ZNF805: variants seen among roughly 807,000 people sequenced by gnomAD.
The protein encoded by ZNF805 is CTC-444N24.8.
A neutral mutation model predicts 13.6 loss-of-function variants in ZNF805; 7 were observed. The ratio of observed to expected loss-of-function variants is 0.51; its 90% CI spans 0.29 to 0.97. ZNF805 has a LOEUF of 0.97. Ranked by LOEUF, ZNF805 falls within the 50% of genes least tolerant of loss-of-function variation. The pLI, the probability that ZNF805 is intolerant of heterozygous loss-of-function variation, is 0.08. For synonymous variants in ZNF805, 293 were observed against 279.8 expected, an observed-to-expected ratio of 1.05 and a Z score of -0.47; for missense variants, 604 against 771.0, an observed-to-expected ratio of 0.78 and a Z score of 2.57.
At chr19:57,245,760 C>T (rs984946326) in intron 2 of ZNF805, among the ~76,000 whole-genome samples, 1 of 149,574 alleles carries the variant, frequency 6.7e-6, no homozygotes. Context: ...GCCTGGGCGA[C>T]AGAGCGAGAC....
rs562845725 is a variant in ZNF805, at chr19:57,257,769, C to T, written c.*3066C>T. ...TTGCCCAGGCTGGAGTGGAGTGGTG[C>T]GATCTCCGCTCACTGCAACCTCCGC... On this transcript the variant is annotated 3_prime_UTR_variant, in exon 4 of 4. Coordinates refer to ENST00000414468, the MANE Select transcript of ZNF805 (RefSeq NM_001023563.4). Among the ~76,000 whole-genome samples the T allele has an allele frequency of 7.7e-6, 1 of 129,086 alleles. No homozygotes were observed. The highest frequency in any genetic ancestry group is 1.5e-5 in the Non-Finnish European group (1 of 65,306). The allele number at this position is 129,086 out of a possible 152,430, so 84.7% of individuals were successfully genotyped here.
rs1195601252 is a variant in ZNF805, at chr19:57,255,520, T to C, written c.*817T>C. On this transcript the variant is annotated 3_prime_UTR_variant, in exon 4 of 4. Transcript: ENST00000414468. ...TTCATTATTTAAATTTTCTTTGATA[T>C]ATTTCATTACTGTTTTATAGTTTAC... Among the ~76,000 whole-genome samples, 1 of 152,184 alleles carries C rather than the reference T, an allele frequency of 6.6e-6. No homozygotes were observed. The highest frequency in any genetic ancestry group is 1.5e-5 in the Non-Finnish European group (1 of 67,996).
chr19:57,259,941 A>T lies in ZNF805; in HGVS notation c.*5238A>T, dbSNP rs1414073896. Among the ~76,000 whole-genome samples the T allele has an allele frequency of 6.6e-6, 1 of 152,198 alleles. No homozygotes were observed. The highest frequency in any genetic ancestry group is 1.9e-4 in the East Asian group (1 of 5,200). ...TCTCAATATTTGAATAGAAATCCTA[A>T]ATTATCTGGAGGAGTAGAAGTCCTG... On this transcript the variant is annotated 3_prime_UTR_variant, in exon 4 of 4. Transcript: ENST00000414468.
At position 57,260,971 on chromosome 19, in the gene ZNF805, C is replaced by G. The variant is rs1325739420; in HGVS notation, c.*6268C>G. Among the ~76,000 whole-genome samples, 1 of 152,148 alleles carries G rather than the reference C, an allele frequency of 6.6e-6. No individual in the cohort carries two copies. Among genetic ancestry groups the G allele is most frequent in the Non-Finnish European group, 1.5e-5 (1 of 68,038 alleles). On this transcript the variant is annotated 3_prime_UTR_variant, in exon 4 of 4. Coordinates refer to ENST00000414468, the MANE Select transcript of ZNF805 (RefSeq NM_001023563.4). ...TGACAACTCCATAATGTTATTTCCCCCCTTTAACTGATTAGAAAACTGAGG... is the reference window on the plus strand; with the variant it reads ...TGACAACTCCATAATGTTATTTCCCGCCTTTAACTGATTAGAAAACTGAGG...
rs1374193860 is a variant in ZNF805, at chr19:57,262,268, TA to T, written c.*7567del. Reference sequence around the variant, plus strand: ...TAGCTTAAGTTTCTGTAACAAACATTAAGCAAATAAAATTTTCTATAACAGA... The same window carrying T: ...TAGCTTAAGTTTCTGTAACAAACATTAGCAAATAAAATTTTCTATAACAGA... On this transcript the variant is annotated 3_prime_UTR_variant, in exon 4 of 4. Coordinates refer to ENST00000414468, the MANE Select transcript of ZNF805 (RefSeq NM_001023563.4). 1 of 166,288 alleles carries T rather than the reference TA, an allele frequency of 6.0e-6. No homozygotes were observed. Among genetic ancestry groups the T allele is most frequent in the Non-Finnish European group, 1.5e-5 (1 of 68,000 alleles). The allele number at this position is 166,288 out of a possible 1,614,324, so 10.3% of individuals were successfully genotyped here.
rs948081753 is a variant in ZNF805, at chr19:57,260,440, C to T, written c.*5737C>T. Among the ~76,000 whole-genome samples the T allele has an allele frequency of 2.6e-5, 4 of 152,152 alleles. No homozygotes were observed. The highest frequency in any genetic ancestry group is 3.9e-4 in the East Asian group (2 of 5,192). Reference sequence around the variant, plus strand: ...GATACTACTAAATGGCTTCCACCACCGTTGCCTGACTTAAGCACGTCTCAG... The same window carrying T: ...GATACTACTAAATGGCTTCCACCACTGTTGCCTGACTTAAGCACGTCTCAG... On this transcript the variant is annotated 3_prime_UTR_variant, in exon 4 of 4. Transcript: ENST00000414468.
intron 3 of ZNF805, 90 bp from the exon 4 acceptor site, chr19:57,252,983 A>C: frequency 8.3e-7 from 1 of 1,211,808 alleles, no homozygotes; most frequent in Middle Eastern, 2.0e-4. Flanking sequence ...GGCACCATTT[A>C]TAACTTCATT....
intron 2 of ZNF805, 47 bp downstream of exon 2, chr19:57,244,096 G>A (rs748894184): frequency 5.0e-6 from 8 of 1,589,330 alleles, no homozygotes; most frequent in Admixed American, 3.4e-5. Context: ...CACCTCCTTC[G>A]TTCCACCCTC....
In ZNF805 at chr19:57,248,593, C is replaced by T. The variant is rs1275531848; in HGVS notation, c.158-12C>T. 2 of 1,571,034 alleles carry T rather than the reference C, an allele frequency of 1.3e-6. No individual in the cohort carries two copies. The highest frequency in any genetic ancestry group is 1.7e-6 in the Non-Finnish European group (2 of 1,155,088). On this transcript the variant is annotated splice_polypyrimidine_tract_variant and intron_variant, in intron 2 of 3. Coordinates refer to ENST00000414468, the MANE Select transcript of ZNF805 (RefSeq NM_001023563.4). ...CCACATCCATGTGTCCACTTGCTTTCTCCATAAACAGGGTGTCCTGTTCCC... is the reference window on the plus strand; with the variant it reads ...CCACATCCATGTGTCCACTTGCTTTTTCCATAAACAGGGTGTCCTGTTCCC...
rs1016759908 is a variant in ZNF805, at chr19:57,258,875, G to C, written c.*4172G>C. On this transcript the variant is annotated 3_prime_UTR_variant, in exon 4 of 4. Coordinates refer to ENST00000414468, the MANE Select transcript of ZNF805 (RefSeq NM_001023563.4). Reference sequence around the variant, plus strand: ...ACCTTTTTTCTAGGGTCAGTCTGCTGGTGTCTCTAAAAGTGTCTTTATGTT... The same window carrying C: ...ACCTTTTTTCTAGGGTCAGTCTGCTCGTGTCTCTAAAAGTGTCTTTATGTT... Among the ~76,000 whole-genome samples the C allele has an allele frequency of 1.3e-5, 2 of 152,068 alleles. No individual in the cohort carries two copies. The highest frequency in any genetic ancestry group is 2.9e-5 in the Non-Finnish European group (2 of 68,018).
rs557869325 is a variant in ZNF805, at chr19:57,256,535, A to G, written c.*1832A>G. ...TATAGAACTATTCAGAGTATTTCAT[A>G]TTGGATGAATTTTTATAGATTTTCT... On this transcript the variant is annotated 3_prime_UTR_variant, in exon 4 of 4. Coordinates refer to ENST00000414468, the MANE Select transcript of ZNF805 (RefSeq NM_001023563.4). Among the ~76,000 whole-genome samples, 1 of 152,190 alleles carries G rather than the reference A, an allele frequency of 6.6e-6. No homozygotes were observed. Among genetic ancestry groups the G allele is most frequent in the South Asian group, 2.1e-4 (1 of 4,824 alleles).
chr19:57,248,232 G>T lies in ZNF805; in HGVS notation c.158-373G>T, dbSNP rs77297215. Among the ~76,000 whole-genome samples, 25 of 151,006 alleles carry T rather than the reference G, an allele frequency of 1.7e-4. No homozygotes were observed. The East Asian group carries it at 4.7e-3, about 28-fold the overall frequency. On this transcript the variant is annotated intron_variant, in intron 2 of 3. Coordinates refer to ENST00000414468, the MANE Select transcript of ZNF805 (RefSeq NM_001023563.4). ...GTTAAAAAAAAAAAAAAAAGACTTA[G>T]ATAAGTGAAGATACATACCTTGTTC...
intron 2 of ZNF805, among the ~76,000 whole-genome samples, chr19:57,247,048 T>G (rs1188790554): frequency 7.8e-6 from 1 of 128,298 alleles, no homozygotes; most frequent in Non-Finnish European, 1.7e-5. Flanking sequence ...TTTTTTTTTT[T>G]GAGATGGAGT....
rs951930563 is a variant in ZNF805, at chr19:57,262,037, G to A, written c.*7334G>A. ...TTGCTTTCTAGCACATACCACAATT[G>A]TAGACCTCCAGAAGAACAGGAGGTG... On this transcript the variant is annotated 3_prime_UTR_variant, in exon 4 of 4. Coordinates refer to ENST00000414468, the MANE Select transcript of ZNF805 (RefSeq NM_001023563.4). 6.0e-6 allele frequency: 1 copy of A among 165,872 alleles called. No individual in the cohort carries two copies. Among genetic ancestry groups the A allele is most frequent in the African/African-American group, 2.4e-5 (1 of 41,444 alleles). The allele number at this position is 165,872 out of a possible 1,614,324, so 10.3% of individuals were successfully genotyped here. A position where few individuals can be genotyped will look rare whatever the true frequency, so the allele number is the denominator to read the frequency against.
In ZNF805 at chr19:57,261,935, G is replaced by A. The variant is rs1405007246; in HGVS notation, c.*7232G>A. 1.2e-5 allele frequency: 2 copies of A among 166,776 alleles called. No homozygotes were observed. The highest frequency in any genetic ancestry group is 2.9e-5 in the Non-Finnish European group (2 of 68,094). 10.3% of individuals were successfully genotyped at this position (166,776 alleles called of 1,614,324 possible). A position where few individuals can be genotyped will look rare whatever the true frequency, so the allele number is the denominator to read the frequency against. On this transcript the variant is annotated 3_prime_UTR_variant, in exon 4 of 4. Transcript: ENST00000414468. ...GATGTGCTTCATTGAAGCTCCATCT[G>A]GGACTTAAAACAACACACGTGAGAT...
intron 2 of ZNF805, among the ~76,000 whole-genome samples, chr19:57,245,107 A>G (rs1235286933): frequency 6.6e-6 from 1 of 152,198 alleles, no homozygotes. Flanking sequence ...CTTCCGTCCC[A>G]CCAGGTGTTA....
chr19:57,250,275 C>T (rs2087643539), intron 3 of ZNF805, among the ~76,000 whole-genome samples: 2 of 152,180 alleles, frequency 1.3e-5, no homozygotes, highest in South Asian at 4.1e-4. Context: ...TCTTGTTGCC[C>T]AGGCTGGAGT....
In ZNF805 at chr19:57,254,128, A is replaced by G; in HGVS notation, c.1309A>G (p.Thr437Ala). ...YVCSECGKAF[T>A]HCSTFILHKR... ...GTGTAGTGAATGCGGAAAGGCCTTC[A>G]CCCACTGCTCTACTTTCATCTTGCA... Residue 437 changes from threonine to alanine, a missense_variant, in exon 4 of 4, where the codon ACC becomes GCC. Thr to Ala is a moderately conservative substitution (Grantham distance 58). Transcript: ENST00000414468. 1 of 1,613,654 alleles carries G rather than the reference A, an allele frequency of 6.2e-7. No homozygotes were observed. The highest frequency in any genetic ancestry group is 2.2e-5 in the East Asian group (1 of 44,822).
Position 57,243,283 on chromosome 19 carries a change from TGA to T in ZNF805, c.31-639_31-638del, listed in dbSNP as rs2087590658. Among the ~76,000 whole-genome samples the T allele has an allele frequency of 4.6e-5, 7 of 152,234 alleles. No individual in the cohort carries two copies. The South Asian group carries it at 1.5e-3, about 32-fold the overall frequency. On this transcript the variant is annotated intron_variant, in intron 1 of 3. Transcript: ENST00000414468. ...TGGAGCTCCCTTAGCCTCAGGTCAG[TGA>T]CTGTGACATGGAGGTGATTGGCGGT...
Sources: gnomAD v4.1 joint callset for allele counts (sites outside exome capture counted in the v4.1 genomes callset) on GRCh38, gnomAD v4.1.1 for gene constraint, MANE v1.5 for transcripts, NCBI Gene and HGNC (gene_info 2026-07-23, HGNC 2026-07-21) for gene names.